COL4A5: variants seen among roughly 807,000 people sequenced by gnomAD.
COL4A5 encodes collagen type IV alpha 5 chain.
COL4A5 carries 26 observed loss-of-function variants against 130.2 expected under a neutral mutation model. The ratio of observed to expected loss-of-function variants is 0.20; its 90% CI spans 0.15 to 0.28. The LOEUF is 0.28. COL4A5 is among the 10% of genes least tolerant of loss of function. The pLI is 1.00. For missense variants in COL4A5, 1,131 were observed against 1,344.3 expected, an observed-to-expected ratio of 0.84 and a Z score of 2.48; for synonymous variants, 496 against 439.6, an observed-to-expected ratio of 1.13 and a Z score of -1.60.
chrX:108,683,287 T>G (rs1205027120), intron 47 of COL4A5, among the ~76,000 whole-genome samples: 1 of 112,057 alleles, frequency 8.9e-6, no homozygotes, highest in East Asian at 2.8e-4. Context: ...CTGTTTTGGT[T>G]ACTGTAGCCT....
At chrX:108,452,354 C>G (rs1186580760) in intron 1 of COL4A5, among the ~76,000 whole-genome samples, 2 of 111,618 alleles carry the variant, frequency 1.8e-5, no homozygotes, top group Non-Finnish European at 3.8e-5. Flanking sequence ...TTTTCCAATT[C>G]TGTGAAGAAA....
Position 108,580,698 on chromosome X carries a change from A to T in COL4A5, c.851A>T (p.Glu284Val), listed in dbSNP as rs1205159276. Residue 284 changes from glutamate (E) to valine (V), a missense_variant, in exon 15 of 53, where the codon GAG becomes GTG. Transcript: ENST00000328300. ...IRGPPGPPGGEKGEKGEQGEP... is the reference protein window; with the variant it reads ...IRGPPGPPGGVKGEKGEQGEP... Reference sequence around the variant, plus strand: ...TGTGTACAGGGTCCCCCAGGTGGTGAGAAAGGTGAGAAGGGTGAGCAAGGA... The same window carrying T: ...TGTGTACAGGGTCCCCCAGGTGGTGTGAAAGGTGAGAAGGGTGAGCAAGGA... 4.1e-6 allele frequency: 5 copies of T among 1,208,824 alleles called. No homozygotes were observed. The highest frequency in any genetic ancestry group is 3.5e-5 in the African/African-American group (2 of 57,045).
In COL4A5 at chrX:108,520,743, T is replaced by C. The variant is rs1285509759; in HGVS notation, c.82-19003T>C. On this transcript the variant is annotated intron_variant, in intron 1 of 52. Coordinates refer to ENST00000328300, the MANE Select transcript of COL4A5 (RefSeq NM_033380.3). ...TCTGTGTAACTGTATGTTTTTGATA[T>C]CTCTGATGAATGGCTCAAATGTTGA... Among the ~76,000 whole-genome samples, 3 of 111,859 alleles carry C rather than the reference T, an allele frequency of 2.7e-5. No individual in the cohort carries two copies. In the Admixed American group the frequency reaches 2.8e-4, roughly 11 times the overall value.
chrX:108,640,628 G>A (rs757292152), intron 36 of COL4A5, among the ~76,000 whole-genome samples: 67 of 111,341 alleles, frequency 6.0e-4, no homozygotes, highest in Non-Finnish European at 1.1e-3. Flanking sequence ...TAAGGTTTCC[G>A]TTTGGGTTGA....
chrX:108,548,043 C>T (rs1284916939), intron 2 of COL4A5, among the ~76,000 whole-genome samples: 1 of 111,985 alleles, frequency 8.9e-6, no homozygotes, highest in African/African-American at 3.2e-5. Context: ...AATTCCCTGA[C>T]CCCTTGCACT....
intron 1 of COL4A5, among the ~76,000 whole-genome samples, chrX:108,478,811 A>G (rs943871394): frequency 6.2e-5 from 7 of 112,152 alleles, no homozygotes; most frequent in Non-Finnish European, 1.1e-4. Context: ...AGGAAAACCC[A>G]TATCTGGAGT....
intron 2 of COL4A5, among the ~76,000 whole-genome samples, chrX:108,546,243 G>A (rs2147682472): frequency 8.9e-6 from 1 of 112,092 alleles, no homozygotes; most frequent in Non-Finnish European, 1.9e-5. Context: ...GCAGTGGCTG[G>A]TACTGGTTGT....
At position 108,580,964 on chromosome X, in the gene COL4A5, AT is replaced by A. The variant is rs775131776; in HGVS notation, c.892-16del. ...AACAAATGTATGTTGTTGCCCTATCATTTCTTTGTATCCTATAGGGTAAACC... is the reference window on the plus strand; with the variant it reads ...AACAAATGTATGTTGTTGCCCTATCATTCTTTGTATCCTATAGGGTAAACC... On this transcript the variant is annotated intron_variant, in intron 15 of 52. Coordinates refer to ENST00000328300, the MANE Select transcript of COL4A5 (RefSeq NM_033380.3). The A allele has an allele frequency of 9.9e-5, 118 of 1,195,879 alleles. No individual in the cohort carries two copies. In the African/African-American group the frequency reaches 1.8e-3, roughly 18 times the overall value.
intron 2 of COL4A5, among the ~76,000 whole-genome samples, chrX:108,551,499 G>A (rs1272145378): frequency 1.8e-5 from 2 of 111,528 alleles, no homozygotes; most frequent in South Asian, 3.7e-4. Flanking sequence ...AAGTTAGAAT[G>A]GCTATTATTA....
At chrX:108,608,803 C>T (rs1276873600) in intron 29 of COL4A5, among the ~76,000 whole-genome samples, 2 of 111,462 alleles carry the variant, frequency 1.8e-5, no homozygotes, top group Admixed American at 9.5e-5. Flanking sequence ...TCCAGTCAGT[C>T]CCTATCCCAT....
intron 47 of COL4A5, 124 bp downstream of exon 47, chrX:108,682,012 C>A: frequency 1.6e-6 from 1 of 642,818 alleles, no homozygotes; most frequent in South Asian, 2.5e-5. Context: ...ACCTATCAAC[C>A]CATCATCTAC....
At chrX:108,650,028 CA>C (rs1383095848) in intron 36 of COL4A5, among the ~76,000 whole-genome samples, 2 of 110,311 alleles carry the variant, frequency 1.8e-5, no homozygotes, top group Admixed American at 9.7e-5. Flanking sequence ...GACGAATATC[CA>C]GACTCTACAA....
chrX:108,443,583 A>G (rs766871725), intron 1 of COL4A5, among the ~76,000 whole-genome samples: 3 of 111,698 alleles, frequency 2.7e-5, no homozygotes, highest in Non-Finnish European at 5.6e-5. Context: ...ATATATCTTT[A>G]GTCTTATGCA....
At chrX:108,520,662 T>C (rs1603262952) in intron 1 of COL4A5, among the ~76,000 whole-genome samples, 1 of 111,891 alleles carries the variant, frequency 8.9e-6, no homozygotes, top group African/African-American at 3.2e-5. Context: ...ACAGCTATAC[T>C]AGCTTCTTTT....
At chrX:108,546,753 A>G (rs1337138608) in intron 2 of COL4A5, among the ~76,000 whole-genome samples, 2 of 110,977 alleles carry the variant, frequency 1.8e-5, no homozygotes, top group Admixed American at 1.9e-4. Flanking sequence ...CACCAATCAG[A>G]TGTAGATTTG....
intron 1 of COL4A5, among the ~76,000 whole-genome samples, chrX:108,484,079 C>T (rs1239637167): frequency 8.9e-6 from 1 of 111,834 alleles, no homozygotes; most frequent in African/African-American, 3.2e-5. Flanking sequence ...ATTCACTTTG[C>T]TGATAGTTTT....
intron 25 of COL4A5, among the ~76,000 whole-genome samples, chrX:108,600,240 G>C (rs1461170199): frequency 9.0e-6 from 1 of 111,540 alleles, no homozygotes; most frequent in Non-Finnish European, 1.9e-5. Context: ...TTAGTTCTTA[G>C]TTACCTATGT....
intron 36 of COL4A5, among the ~76,000 whole-genome samples, chrX:108,646,092 C>A (rs2147915461): frequency 9.1e-6 from 1 of 109,331 alleles, no homozygotes; most frequent in African/African-American, 3.4e-5. Flanking sequence ...TTGGTATATA[C>A]CCAGTAATGG....
At chrX:108,443,059 C>G (rs1162811875) in intron 1 of COL4A5, 1 of 111,454 alleles carries the variant, frequency 9.0e-6, no homozygotes, top group Non-Finnish European at 1.9e-5. Context: ...TAGAGATTTA[C>G]TGGTGTGTAA....
Sources: gnomAD v4.1 joint callset for allele counts (sites outside exome capture counted in the v4.1 genomes callset) on GRCh38, gnomAD v4.1.1 for gene constraint, MANE v1.5 for transcripts, NCBI Gene and HGNC (gene_info 2026-07-23, HGNC 2026-07-21) for gene names.